CNPPD1: variants seen among roughly 807,000 people sequenced by gnomAD.
CNPPD1 encodes the protein protein CNPPD1.
In CNPPD1, 40 loss-of-function variants were observed where a neutral mutation model predicts 43.7. The ratio of observed to expected loss-of-function variants is 0.92; its 90% CI spans 0.71 to 1.19. The LOEUF is 1.19. Among genes scored for constraint, CNPPD1 ranks in the 50% most tolerant of loss-of-function variants. The pLI, the probability that CNPPD1 is intolerant of heterozygous loss-of-function variation, is 0.00. For synonymous variants in CNPPD1, 208 were observed against 214.3 expected, an observed-to-expected ratio of 0.97 and a Z score of 0.26; for missense variants, 511 against 518.5, an observed-to-expected ratio of 0.99 and a Z score of 0.14.
upstream of CNPPD1, chr2:219,177,015 G>C (rs1485539791): frequency 1.9e-6 from 1 of 539,888 alleles, no homozygotes; most frequent in African/African-American, 2.0e-5. Context: ...TGAACTGGGC[G>C]CCTCTTCCTG....
In CNPPD1 at chr2:219,176,255, C is replaced by CAGT; in HGVS notation, c.143_145dup (p.Asp48_Cys49insTyr). The CAGT allele has an allele frequency of 6.2e-7, 1 of 1,614,070 alleles. No individual in the cohort carries two copies. The highest frequency in any genetic ancestry group is 8.5e-7 in the Non-Finnish European group (1 of 1,179,902). ...CGGGCTGGAGAGCTCCTCCAGGCTA[C>CAGT]AGTCGGCTTCCCAGTCCCAGCCATA... On this transcript the variant is annotated inframe_insertion, in exon 2 of 8. Coordinates refer to ENST00000360507, the MANE Select transcript of CNPPD1 (RefSeq NM_015680.6).
intron 1 of CNPPD1, 110 bp downstream of exon 1, chr2:219,176,650 T>G (rs1950167766): frequency 2.3e-6 from 2 of 876,434 alleles, no homozygotes; most frequent in African/African-American, 3.4e-5. Flanking sequence ...GAAGCACTGC[T>G]CGAGCAGCTG....
In CNPPD1 at chr2:219,173,139, G is replaced by A. The variant is rs1297698861; in HGVS notation, c.691-11C>T. The A allele has an allele frequency of 3.9e-6, 6 of 1,555,634 alleles. No individual in the cohort carries two copies. The African/African-American group carries it at 4.1e-5, about 11-fold the overall frequency. Reference sequence around the variant, plus strand: ...TAACAGGCAAGACAGCTGCAGGAGAGGAGATAAGAAAGAAGGAATCTGTCT... The same window carrying A: ...TAACAGGCAAGACAGCTGCAGGAGAAGAGATAAGAAAGAAGGAATCTGTCT... On this transcript the variant is annotated splice_polypyrimidine_tract_variant and intron_variant, in intron 7 of 7. Transcript: ENST00000360507.
At chr2:219,173,310 G>T in intron 7 of CNPPD1, 40 bp downstream of exon 7, 1 of 1,571,472 alleles carries the variant, frequency 6.4e-7, no homozygotes, top group Non-Finnish European at 8.7e-7. Flanking sequence ...CCTACACACC[G>T]GCCTGCTCAA....
At chr2:219,176,997 G>T (rs1950182182), upstream of CNPPD1, 2 of 590,608 alleles carry the variant, frequency 3.4e-6, no homozygotes, top group Non-Finnish European at 5.9e-6. Flanking sequence ...GGAAGGCGGG[G>T]CCCGGGCTGA....
chr2:219,175,934 G>A (rs932915327), intron 2 of CNPPD1, among the ~76,000 whole-genome samples: 3 of 152,096 alleles, frequency 2.0e-5, no homozygotes, highest in African/African-American at 7.2e-5. Context: ...GTTCATCTGT[G>A]GCATAAACAT....
chr2:219,172,950 G>A lies in CNPPD1; in HGVS notation c.869C>T (p.Pro290Leu), dbSNP rs547985330. ...PCIPSVPQCL[P>L]SLANVSSCLE... Reference sequence around the variant, plus strand: ...GCAGCTGGAGACATTAGCGAGAGACGGCAGGCATTGTGGCACAGAAGGTAT... The same window carrying A: ...GCAGCTGGAGACATTAGCGAGAGACAGCAGGCATTGTGGCACAGAAGGTAT... The change falls in exon 8 of 8, where the codon CCG becomes CTG. Residue 290 changes from proline to leucine, a missense_variant. Pro to Leu is a moderately conservative substitution (Grantham distance 98, BLOSUM62 -3). Transcript: ENST00000360507. 32 of 1,613,916 alleles carry A rather than the reference G, an allele frequency of 2.0e-5. No individual in the cohort carries two copies. Among genetic ancestry groups the A allele is most frequent in the South Asian group, 6.6e-5 (6 of 91,074 alleles).
intron 7 of CNPPD1, 58 bp from the exon 8 acceptor site, chr2:219,173,186 T>G: frequency 6.6e-7 from 1 of 1,503,802 alleles, no homozygotes; most frequent in Non-Finnish European, 8.9e-7. Context: ...ACCCCTTGTC[T>G]CTAGAAATCT....
At position 219,175,590 on chromosome 2, in the gene CNPPD1, C is replaced by T. The variant is rs1313493106; in HGVS notation, c.260+1G>A. The T allele has an allele frequency of 1.2e-6, 2 of 1,613,046 alleles. No individual in the cohort carries two copies. The highest frequency in any genetic ancestry group is 3.3e-5 in the Admixed American group (2 of 60,016). On this transcript the variant is annotated splice_donor_variant, in intron 3 of 7. Coordinates refer to ENST00000360507, the MANE Select transcript of CNPPD1 (RefSeq NM_015680.6). LOFTEE classifies it high-confidence loss of function. ...CATCCTATCCTCATTTCCAGGCTCA[C>T]CGGGACACATGAGCTACATATTTCT... is the stretch of plus-strand genomic sequence containing the variant.
Position 219,173,029 on chromosome 2 carries a change from T to G in CNPPD1, c.790A>C (p.Thr264Pro), listed in dbSNP as rs752781664. 4 of 1,613,092 alleles carry G rather than the reference T, an allele frequency of 2.5e-6. No homozygotes were observed. The highest frequency in any genetic ancestry group is 3.4e-6 in the Non-Finnish European group (4 of 1,179,920). Residue 264 changes from threonine to proline, a missense_variant, in exon 8 of 8, where the codon ACA becomes CCA. Physicochemically the swap from Thr to Pro is conservative, Grantham distance 38 (BLOSUM62 -1). Coordinates refer to ENST00000360507, the MANE Select transcript of CNPPD1 (RefSeq NM_015680.6). ...AGTCCAAGGTCAGGCGGCCCAGGTG[T>G]AGGGATGCAGGACAGCCCCAAAGAC... Reference protein sequence around the residue: ...HQSLGLSCIPTPGPPDLGLTS... With the variant: ...HQSLGLSCIPPPGPPDLGLTS...
At position 219,174,796 on chromosome 2, in the gene CNPPD1, C is replaced by T; in HGVS notation, c.492G>A (p.Arg164=). 1.2e-6 allele frequency: 2 copies of T among 1,605,574 alleles called. No individual in the cohort carries two copies. Among genetic ancestry groups the T allele is most frequent in the Non-Finnish European group, 1.7e-6 (2 of 1,174,372 alleles). Residue 164 remains arginine, a synonymous_variant, in exon 5 of 8, where the codon AGG becomes AGA. Coordinates refer to ENST00000360507, the MANE Select transcript of CNPPD1 (RefSeq NM_015680.6). ...VAVPTLNALE[R]GFLSAMDWHL... ...TGCTCACCATGGCACTCAGGAAGCC[C>T]CTCTCCAAGGCATTGAGAGTGGGCA... is the stretch of plus-strand genomic sequence containing the variant.
rs1355701434 is a variant in CNPPD1 at position 219,176,311 on chromosome 2, C to T, written c.90G>A (p.Lys30=). 1.9e-6 allele frequency: 3 copies of T among 1,614,122 alleles called. No individual in the cohort carries two copies. Among genetic ancestry groups the T allele is most frequent in the Non-Finnish European group, 2.5e-6 (3 of 1,179,936 alleles). The change falls in exon 2 of 8, where the codon AAG becomes AAA. Residue 30 remains lysine, a synonymous_variant. Transcript: ENST00000360507. ...QDFTFLPGHQ[K]LSARIRRRLY... ...GCCTCCTTCGGATCCGGGCACTCAG[C>T]TTCTGGTGTCCTGGGAGGAACTGAA...
Position 219,174,240 on chromosome 2 carries a change from C to A in CNPPD1, c.511-33G>T, listed in dbSNP as rs41272695. 2.6e-3 allele frequency: 4,174 copies of A among 1,602,030 alleles called. 11 individuals are homozygous for A. The highest frequency in any genetic ancestry group is 3.3e-3 in the Non-Finnish European group (3,804 of 1,168,982). ...TACGGAGAGTGGACATCAAACCAGACTTGGATGAGCCACAGTCATTTAATA... is the reference window on the plus strand; with the variant it reads ...TACGGAGAGTGGACATCAAACCAGAATTGGATGAGCCACAGTCATTTAATA... On this transcript the variant is annotated intron_variant, in intron 5 of 7. Transcript: ENST00000360507.
chr2:219,175,732 T>C (rs1950149223), intron 2 of CNPPD1, 60 bp from the exon 3 acceptor site: 8 of 1,391,154 alleles, frequency 5.8e-6, no homozygotes, highest in African/African-American at 1.4e-5. Context: ...AACACACCAG[T>C]CCCCACTGCT....
At chr2:219,173,854 C>T (rs189565435) in intron 6 of CNPPD1, among the ~76,000 whole-genome samples, 2 of 152,234 alleles carry the variant, frequency 1.3e-5, no homozygotes, top group Admixed American at 1.3e-4. Context: ...ATTGCCCAGG[C>T]TGGTCTCGAA....
chr2:219,176,975 C>T (rs988685128), upstream of CNPPD1: 2 of 628,378 alleles, frequency 3.2e-6, no homozygotes, highest in Admixed American at 3.7e-5. Context: ...GCAGCTCCCT[C>T]CCCCCGGCGG....
chr2:219,172,577 C>G lies in CNPPD1; in HGVS notation c.*9G>C, dbSNP rs201958059. 34 of 1,613,816 alleles carry G rather than the reference C, an allele frequency of 2.1e-5. No individual in the cohort carries two copies. The highest frequency in any genetic ancestry group is 2.9e-5 in the Non-Finnish European group (34 of 1,179,838). ...CCAAACCCTCTTAATGCATTCCTCA[C>G]AGCCCTACCTAGCCTGGGAAAACGA... On this transcript the variant is annotated 3_prime_UTR_variant, in exon 8 of 8. Transcript: ENST00000360507.
Position 219,174,840 on chromosome 2 carries a change from C to T in CNPPD1, c.448G>A (p.Ala150Thr), listed in dbSNP as rs781375675. 1 of 1,614,172 alleles carries T rather than the reference C, an allele frequency of 6.2e-7. No homozygotes were observed. The highest frequency in any genetic ancestry group is 8.5e-7 in the Non-Finnish European group (1 of 1,180,006). The change falls in exon 5 of 8, where the codon GCT (alanine) becomes ACT (threonine). Residue 150 changes from alanine to threonine, a missense_variant. Ala to Thr is a moderately conservative substitution (Grantham distance 58). Transcript: ENST00000360507. ...GTGGGCACGGCCACACCCCCAGCAG[C>T]TCCCCATTCGTCGTTGAAGACCTCC... ...EEEVFNDEWG[A>T]AGGVAVPTLN...
chr2:219,172,754 G>T lies in CNPPD1; in HGVS notation c.1065C>A (p.Pro355=). The T allele has an allele frequency of 1.2e-6, 2 of 1,611,206 alleles. No individual in the cohort carries two copies. Among genetic ancestry groups the T allele is most frequent in the Non-Finnish European group, 1.7e-6 (2 of 1,178,468 alleles). ...DSPTCHACLH[P]NRTVPTALSS... ...ACAGCGCAGTGGGGACTGTACGGTT[G>T]GGGTGGAGGCAGGCATGGCAGGTTG... The change falls in exon 8 of 8, where the codon CCC becomes CCA. Residue 355 remains proline, a synonymous_variant. Transcript: ENST00000360507.
Sources: gnomAD v4.1 joint callset for allele counts (sites outside exome capture counted in the v4.1 genomes callset) on GRCh38, gnomAD v4.1.1 for gene constraint, MANE v1.5 for transcripts, NCBI Gene and HGNC (gene_info 2026-07-23, HGNC 2026-07-21) for gene names.